Variants in PDE1C observed in about 807,000 individuals in gnomAD.
PDE1C encodes phosphodiesterase 1C.
In PDE1C, 62 loss-of-function variants were observed where a neutral mutation model predicts 93.1. The observed-to-expected ratio is 0.67, with a 90% confidence interval of 0.54 to 0.82. The LOEUF (loss-of-function observed/expected upper bound fraction) is 0.82. PDE1C is among the 40% of genes least tolerant of loss of function. The probability of loss-of-function intolerance (pLI) is 0.00; values close to 1 mark genes in which losing one functional copy is unlikely to be tolerated. For missense variants in PDE1C, 742 were observed against 884.6 expected (o/e 0.84, Z 2.04); for synonymous variants, 325 against 310.1 (o/e 1.05, Z -0.50).
At chr7:32,375,479 G>A (rs996685212) in intron 1 of PDE1C, among the ~76,000 whole-genome samples, 2 of 152,202 alleles carry the variant, frequency 1.3e-5, no homozygotes, top group Admixed American at 1.3e-4. Context: ...AATGTCTGGA[G>A]ATATTTTTGA....
At chr7:32,355,673 G>A (rs1414755402) in intron 1 of PDE1C, among the ~76,000 whole-genome samples, 2 of 152,138 alleles carry the variant, frequency 1.3e-5, no homozygotes, top group Non-Finnish European at 2.9e-5. Context: ...AGTTTTTAAT[G>A]TGCCATATCA....
chr7:32,065,458 GC>G (rs1795288163), intron 1 of PDE1C, among the ~76,000 whole-genome samples: 1 of 151,794 alleles, frequency 6.6e-6, no homozygotes, highest in South Asian at 2.1e-4. Flanking sequence ...ACCTTCTCTG[GC>G]CCTCCCAGGT....
chr7:31,874,411 G>C (rs1465402938), intron 5 of PDE1C, among the ~76,000 whole-genome samples: 1 of 152,200 alleles, frequency 6.6e-6, no homozygotes, highest in Non-Finnish European at 1.5e-5. Flanking sequence ...ACTTGAGCTT[G>C]ACAGCAAGGA....
At chr7:31,974,489 G>C (rs1488925107) in intron 2 of PDE1C, among the ~76,000 whole-genome samples, 1 of 152,138 alleles carries the variant, frequency 6.6e-6, no homozygotes, top group Non-Finnish European at 1.5e-5. Context: ...GAAGTGTTTT[G>C]ACACACTAAA....
At chr7:32,098,538 T>A (rs1326016606) in intron 3 of PDE1C, among the ~76,000 whole-genome samples, 1 of 152,180 alleles carries the variant, frequency 6.6e-6, no homozygotes, top group Non-Finnish European at 1.5e-5. Context: ...CCTTCGTGAA[T>A]CAAAGTAAAG....
chr7:31,673,277 G>A, the PDE1C span, among the ~76,000 whole-genome samples: 2 of 152,186 alleles, frequency 1.3e-5, no homozygotes, highest in South Asian at 2.1e-4. Flanking sequence ...TTTGATTTAT[G>A]AAGTTGAAAG....
chr7:32,057,842 C>T (rs1371877096), intron 1 of PDE1C, among the ~76,000 whole-genome samples: 2 of 152,128 alleles, frequency 1.3e-5, no homozygotes, highest in African/African-American at 4.8e-5. Flanking sequence ...ATCAAGTACT[C>T]CAGAATCAAA....
At position 31,769,356 on chromosome 7, in the gene PDE1C, C is replaced by T. The variant is rs557687963; in HGVS notation, c.1960+6308G>A. Among the ~76,000 whole-genome samples, 15 of 152,262 alleles carry T rather than the reference C, an allele frequency of 9.9e-5. No individual in the cohort carries two copies. In the South Asian group the frequency reaches 2.5e-3, roughly 25 times the overall value. ...AGCTTCTCATAGCATTTAAGGTTTC[C>T]TCACCCTTGATGTAGCTTTAGGCAA... On this transcript the variant is annotated intron_variant, in intron 17 of 17. Transcript: ENST00000396191.
chr7:31,694,803 T>C, the PDE1C span, among the ~76,000 whole-genome samples: 1 of 152,084 alleles, frequency 6.6e-6, no homozygotes, highest in Admixed American at 6.5e-5. Flanking sequence ...CGACTTCTGA[T>C]AGACTCGATG....
chr7:31,702,662 G>C, the PDE1C span, among the ~76,000 whole-genome samples: 2 of 152,176 alleles, frequency 1.3e-5, no homozygotes, highest in African/African-American at 4.8e-5. Flanking sequence ...TATTGTCGCT[G>C]CTGCTTAAAT....
At chr7:31,712,874 C>G in the PDE1C span, among the ~76,000 whole-genome samples, 1 of 152,102 alleles carries the variant, frequency 6.6e-6, no homozygotes. Flanking sequence ...TTCACTATCA[C>G]GAGAACAGCA....
intron 3 of PDE1C, among the ~76,000 whole-genome samples, chr7:32,139,223 A>ACT (rs1230604304): frequency 1.3e-5 from 2 of 151,348 alleles, no homozygotes; most frequent in Non-Finnish European, 2.9e-5. Context: ...GCAACCTTGA[A>ACT]CTACTGGGCT....
chr7:31,617,186 G>T, the PDE1C span, among the ~76,000 whole-genome samples: 2 of 152,118 alleles, frequency 1.3e-5, no homozygotes, highest in African/African-American at 4.8e-5. Context: ...GCCTGGAGAA[G>T]GGAAGATCCT....
intron 2 of PDE1C, among the ~76,000 whole-genome samples, chr7:32,170,863 C>G (rs1341270321): frequency 6.6e-6 from 1 of 152,130 alleles, no homozygotes; most frequent in Non-Finnish European, 1.5e-5. Flanking sequence ...CCATCTACCT[C>G]CCTTATAGGA....
chr7:31,770,672 G>A (rs11763575), intron 17 of PDE1C, among the ~76,000 whole-genome samples: 13,618 of 151,988 alleles, frequency 0.09, 859 homozygotes, highest in Middle Eastern at 0.14. Context: ...CACCATGCCC[G>A]GCTAATTTTT....
chr7:32,152,860 C>T (rs563357027), intron 3 of PDE1C, among the ~76,000 whole-genome samples: 21 of 152,096 alleles, frequency 1.4e-4, no homozygotes, highest in Non-Finnish European at 5.9e-5. Context: ...ACTGTAGCCA[C>T]ACTATAATTA....
chr7:31,738,642 T>A, the PDE1C span, among the ~76,000 whole-genome samples: 1 of 152,094 alleles, frequency 6.6e-6, no homozygotes, highest in African/African-American at 2.4e-5. Context: ...GGGGGCATAA[T>A]TCCCATAGCA....
chr7:32,236,885 C>T (rs1808123098), intron 1 of PDE1C, among the ~76,000 whole-genome samples: 1 of 151,988 alleles, frequency 6.6e-6, no homozygotes, highest in African/African-American at 2.4e-5. Context: ...CTGGAAACAA[C>T]CCAAATGCCC....
the PDE1C span, chr7:31,697,253 C>G: frequency 1.9e-6 from 2 of 1,078,270 alleles, no homozygotes; most frequent in Non-Finnish European, 2.6e-6. Context: ...TGGGGAGAAG[C>G]CACACTCAGT....
Sources: allele counts gnomAD v4.1 joint callset (sites outside exome capture counted in the v4.1 genomes callset), GRCh38; gene constraint gnomAD v4.1.1; transcripts MANE v1.5; gene names NCBI Gene and HGNC (gene_info 2026-07-23, HGNC 2026-07-21).